LYSMD2: variants seen among roughly 807,000 people sequenced by gnomAD.
The protein encoded by LYSMD2 is lysM and putative peptidoglycan-binding domain-containing protein 2.
A neutral mutation model predicts 17.7 loss-of-function variants in LYSMD2; 6 were observed. The ratio of observed to expected loss-of-function variants is 0.34; its 90% CI spans 0.19 to 0.67. The LOEUF (loss-of-function observed/expected upper bound fraction) is 0.67, where lower values mean the gene tolerates loss of function less well. LYSMD2 is among the 30% of genes least tolerant of loss of function. LYSMD2 has a pLI of 0.69. For synonymous variants in LYSMD2, 102 were observed against 129.8 expected, an observed-to-expected ratio of 0.79 and a Z score of 1.45; for missense variants, 237 against 286.7, an observed-to-expected ratio of 0.83 and a Z score of 1.25.
intron 1 of LYSMD2, among the ~76,000 whole-genome samples, chr15:51,745,929 C>G (rs945048628): frequency 1.3e-5 from 2 of 152,046 alleles, no homozygotes; most frequent in African/African-American, 4.8e-5. Flanking sequence ...ACTAGGATGG[C>G]TATAATTTTA....
intron 2 of LYSMD2, 79 bp downstream of exon 2, chr15:51,724,711 A>G (rs2055526005): frequency 2.3e-6 from 2 of 868,626 alleles, no homozygotes; most frequent in Non-Finnish European, 3.2e-6. Flanking sequence ...AAGAAAAGAG[A>G]AAAGAAAGAT....
chr15:51,740,019 T>TA (rs1464063677), upstream of LYSMD2, among the ~76,000 whole-genome samples: 9 of 152,166 alleles, frequency 5.9e-5, no homozygotes, highest in Non-Finnish European at 1.0e-4. Flanking sequence ...AGTGCAGTGG[T>TA]GTGATCTCCG....
rs754574427 is a variant in LYSMD2, at chr15:51,723,596, C to T, written c.*11G>A. The T allele has an allele frequency of 3.6e-5, 57 of 1,603,060 alleles. No homozygotes were observed. The Admixed American group carries it at 9.2e-4, about 26-fold the overall frequency. On this transcript the variant is annotated 3_prime_UTR_variant, in exon 3 of 3. Transcript: ENST00000267838. ...ATCTTAATTTTGGTTAGAGTTATGC[C>T]CCCAAATCACCTAACTGTGATAGAG...
chr15:51,747,591 C>T (rs1272454403), intron 1 of LYSMD2, among the ~76,000 whole-genome samples: 2 of 152,364 alleles, frequency 1.3e-5, no homozygotes, highest in East Asian at 1.9e-4. Context: ...TTTTTAACAG[C>T]TGCTTTCTCA....
chr15:51,725,153 A>C (rs2055530639), intron 1 of LYSMD2, 32 bp from the exon 2 acceptor site: 1 of 1,349,458 alleles, frequency 7.4e-7, no homozygotes, highest in African/African-American at 1.5e-5. Flanking sequence ...ACAGAATTAC[A>C]TATAACCAAG....
At chr15:51,731,286 T>A (rs1567228227) in intron 1 of LYSMD2, among the ~76,000 whole-genome samples, 1 of 152,220 alleles carries the variant, frequency 6.6e-6, no homozygotes, top group Non-Finnish European at 1.5e-5. Context: ...ACACCCCGAA[T>A]GACTAAAGGC....
chr15:51,730,877 C>T (rs2606130), intron 1 of LYSMD2, among the ~76,000 whole-genome samples: 52,912 of 152,012 alleles, frequency 0.35, 9,787 homozygotes, highest in Non-Finnish European at 0.4. Context: ...CAAGATTCAC[C>T]GCCACATCTG....
chr15:51,737,425 G>A lies in LYSMD2; in HGVS notation c.198C>T (p.Val66=). 1.4e-6 allele frequency: 2 copies of A among 1,443,754 alleles called. No individual in the cohort carries two copies. Among genetic ancestry groups the A allele is most frequent in the South Asian group, 2.7e-5 (2 of 74,410 alleles). The allele number at this position is 1,443,754 out of a possible 1,614,324, so 89.4% of individuals were successfully genotyped here. ...ASVRAPLGAG[V]IERHVEHRVR... ...CCCGGTGCTCCACATGGCGCTCGAT[G>A]ACGCCGGCGCCCAGCGGCGCCCGCA... is the stretch of plus-strand genomic sequence containing the variant. The change falls in exon 1 of 3, where the codon GTC becomes GTT. Residue 66 remains valine, a synonymous_variant. Transcript: ENST00000267838. This position sits in a 1 kb window ranked among gnomAD's most constrained non-coding sequence, Gnocchi z 4.2.
At chr15:51,751,343 C>T (rs992748826) in exon 1 of LYSMD2, 1 of 702,218 alleles carries the variant, frequency 1.4e-6, no homozygotes, top group East Asian at 2.7e-5. Context: ...GGCTTGAAAG[C>T]CTTTGCCATC....
At chr15:51,725,913 T>C (rs1427139541) in intron 1 of LYSMD2, among the ~76,000 whole-genome samples, 1 of 152,176 alleles carries the variant, frequency 6.6e-6, no homozygotes. Flanking sequence ...GATTTTTGTC[T>C]GACTCCGAAG....
rs374823947 is a variant in LYSMD2, at chr15:51,724,999, A to G, written c.396T>C (p.Asp132=). The G allele has an allele frequency of 1.9e-5, 31 of 1,614,038 alleles. No homozygotes were observed. Among genetic ancestry groups the G allele is most frequent in the South Asian group, 2.2e-5 (2 of 91,088 alleles). The stretch of plus-strand genomic sequence containing the variant: ...TATCAGCAGTTTCATTTTCTGGAGA[A>G]TCAATGGAGTTAAGTCCATTAAACA... ...PLLFNGLNSI[D]SPENETADNS... The change falls in exon 2 of 3, where the codon GAT becomes GAC. Residue 132 remains aspartate (D), a synonymous_variant. Transcript: ENST00000267838.
upstream of LYSMD2, among the ~76,000 whole-genome samples, chr15:51,740,850 G>A (rs1418026887): frequency 6.6e-6 from 1 of 152,066 alleles, no homozygotes; most frequent in African/African-American, 2.4e-5. Context: ...AGAAAAGTGT[G>A]TATTGTATGG....
intron 1 of LYSMD2, among the ~76,000 whole-genome samples, chr15:51,727,278 C>T (rs1595848091): frequency 6.6e-6 from 1 of 152,186 alleles, no homozygotes; most frequent in East Asian, 1.9e-4. Flanking sequence ...TCCCCTTGTC[C>T]TTGGAATTCC....
At position 51,737,262 on chromosome 15, in the gene LYSMD2, T is replaced by TGGCCCCCCCC; in HGVS notation, c.273+87_273+88insGGGGGGGGCC. 1 of 134,040 alleles carries TGGCCCCCCCC rather than the reference T, an allele frequency of 7.5e-6. No individual in the cohort carries two copies. Among genetic ancestry groups the TGGCCCCCCCC allele is most frequent in the Non-Finnish European group, 1.4e-5 (1 of 70,572 alleles). The allele number at this position is 134,040 out of a possible 1,614,324, so 8.3% of individuals were successfully genotyped here. ...CCATCCCCCAAACCCCCACCCGCAG[T>TGGCCCCCCCC]CCCACCCCCACCCCCACCGCACCCC... On this transcript the variant is annotated intron_variant, in intron 1 of 2. Coordinates refer to ENST00000267838, the MANE Select transcript of LYSMD2 (RefSeq NM_153374.3). The surrounding 1 kb of genome is among the most constrained non-coding windows in gnomAD (Gnocchi z 4.2).
At chr15:51,751,305 A>T in exon 1 of LYSMD2, 3 of 702,606 alleles carry the variant, frequency 4.3e-6, no homozygotes, top group Non-Finnish European at 7.8e-6. Flanking sequence ...CCGTGTCAGG[A>T]TGCTCGCTCA....
intron 1 of LYSMD2, chr15:51,751,180 C>A: frequency 4.4e-6 from 3 of 676,904 alleles, no homozygotes; most frequent in African/African-American, 1.8e-5. Context: ...ACCTCGCTTA[C>A]CTCCTTCCCT....
chr15:51,735,583 T>C (rs1291302048), intron 1 of LYSMD2, among the ~76,000 whole-genome samples: 1 of 152,204 alleles, frequency 6.6e-6, no homozygotes, highest in Non-Finnish European at 1.5e-5. Flanking sequence ...TCATTATCCT[T>C]GTGTTTAATA....
chr15:51,728,425 A>G, intron 1 of LYSMD2, among the ~76,000 whole-genome samples: 1 of 151,240 alleles, frequency 6.6e-6, no homozygotes, highest in African/African-American at 2.5e-5. Context: ...ACACACACAC[A>G]CACACACATA....
intron 1 of LYSMD2, among the ~76,000 whole-genome samples, chr15:51,728,272 A>T (rs2055553094): frequency 6.6e-6 from 1 of 152,036 alleles, no homozygotes; most frequent in Non-Finnish European, 1.5e-5. Flanking sequence ...TACAAAAATT[A>T]GCCAGGCGTG....
Sources: allele counts gnomAD v4.1 joint callset (sites outside exome capture counted in the v4.1 genomes callset), GRCh38; gene constraint gnomAD v4.1.1; non-coding constraint Gnocchi (gnomAD v3.1); transcripts MANE v1.5; gene names NCBI Gene and HGNC (gene_info 2026-07-23, HGNC 2026-07-21).